Variants in CASP2 observed in about 807,000 individuals in gnomAD.
The protein encoded by CASP2 is caspase 2.
A neutral mutation model predicts 54.4 loss-of-function variants in CASP2; 38 were observed. That is an observed-to-expected ratio of 0.70 (90% confidence interval 0.54 to 0.92). CASP2 has a LOEUF of 0.92. Among genes scored for constraint, CASP2 ranks in the 40% least tolerant of loss-of-function variants. The pLI is 0.00. For missense variants in CASP2, 512 were observed against 579.6 expected, an observed-to-expected ratio of 0.88 and a Z score of 1.20; for synonymous variants, 215 against 216.3, an observed-to-expected ratio of 0.99 and a Z score of 0.05.
rs1397806582 is a variant in CASP2 at position 143,305,596 on chromosome 7, G to A, written c.*525G>A. ...TGAAGAAGCAAACATGACTAGAGAC[G>A]CACCTTGCTGCAGTGTCCAGAAGCG... On this transcript the variant is annotated 3_prime_UTR_variant, in exon 11 of 11. Coordinates refer to ENST00000310447, the MANE Select transcript of CASP2 (RefSeq NM_032982.4). 3 of 262,590 alleles carry A rather than the reference G, an allele frequency of 1.1e-5. No individual in the cohort carries two copies. Among genetic ancestry groups the A allele is most frequent in the Admixed American group, 5.0e-5 (1 of 19,848 alleles). 16.3% of individuals were successfully genotyped at this position (262,590 alleles called of 1,614,324 possible).
At chr7:143,304,549 A>G (rs1402927401) in intron 9 of CASP2, 125 bp from the exon 10 acceptor site, 2 of 783,934 alleles carry the variant, frequency 2.6e-6, no homozygotes, top group Admixed American at 1.7e-5. Context: ...GTACCCTCCT[A>G]GACTTAGATT....
Position 143,305,967 on chromosome 7 carries a change from A to G in CASP2, c.*896A>G. ...TGCACTTCATATCTAGATTTCTAGAAAAGCTTCCTAGCTTATCTCCCTGCT... is the reference window on the plus strand; with the variant it reads ...TGCACTTCATATCTAGATTTCTAGAGAAGCTTCCTAGCTTATCTCCCTGCT... On this transcript the variant is annotated 3_prime_UTR_variant, in exon 11 of 11. Coordinates refer to ENST00000310447, the MANE Select transcript of CASP2 (RefSeq NM_032982.4). The G allele has an allele frequency of 6.6e-6, 1 of 152,166 alleles. No homozygotes were observed. Among genetic ancestry groups the G allele is most frequent in the East Asian group, 1.9e-4 (1 of 5,194 alleles). The allele number at this position is 152,166 out of a possible 1,614,324, so 9.4% of individuals were successfully genotyped here. A position where few individuals can be genotyped will look rare whatever the true frequency, so the allele number is the denominator to read the frequency against.
Position 143,300,304 on chromosome 7 carries a change from C to T in CASP2, c.967+10C>T. Reference sequence around the variant, plus strand: ...CAGGCCTGCCGTGGAGGTGAGTGCCCTAGCAGACCAGCACCTGGGTGGTGG... The same window carrying T: ...CAGGCCTGCCGTGGAGGTGAGTGCCTTAGCAGACCAGCACCTGGGTGGTGG... On this transcript the variant is annotated intron_variant, in intron 8 of 10. Transcript: ENST00000310447. 6.2e-7 allele frequency: 1 copy of T among 1,613,264 alleles called. No homozygotes were observed. The highest frequency in any genetic ancestry group is 8.5e-7 in the Non-Finnish European group (1 of 1,179,926).
chr7:143,298,268 C>T (rs1801815097), intron 6 of CASP2, among the ~76,000 whole-genome samples: 1 of 152,222 alleles, frequency 6.6e-6, no homozygotes, highest in South Asian at 2.1e-4. Context: ...TGTTTTAACT[C>T]TTCCACCCAG....
chr7:143,294,657 A>C lies in CASP2; in HGVS notation c.631A>C (p.Thr211Pro), dbSNP rs778996497. 13 of 1,614,200 alleles carry C rather than the reference A, an allele frequency of 8.1e-6. No individual in the cohort carries two copies. Among genetic ancestry groups the C allele is most frequent in the Non-Finnish European group, 1.1e-5 (13 of 1,180,028 alleles). Residue 211 changes from threonine (T) to proline (P), a missense_variant, in exon 6 of 11, where the codon ACT becomes CCT. Physicochemically the swap from Thr to Pro is conservative, Grantham distance 38 (BLOSUM62 -1). Coordinates refer to ENST00000310447, the MANE Select transcript of CASP2 (RefSeq NM_032982.4). ...LALVLSNVHF[T>P]GEKELEFRSG... ...ACTGGTGTTGAGCAATGTGCACTTC[A>C]CTGGAGAGAAAGAACTGGAATTTCG...
chr7:143,290,055 C>CTTTTTTTTTTTTTTT (rs35440867), intron 1 of CASP2, among the ~76,000 whole-genome samples: 1 of 114,520 alleles, frequency 8.7e-6, no homozygotes, highest in Non-Finnish European at 1.7e-5. Context: ...TTTTCCCTCC[C>CTTTTTTTTTTTTTTT]TTTTTTTTTT....
intron 6 of CASP2, among the ~76,000 whole-genome samples, chr7:143,298,986 GTCTC>G (rs1801837025): frequency 1.3e-5 from 2 of 151,866 alleles, no homozygotes; most frequent in African/African-American, 4.8e-5. Context: ...TTGAGACAGG[GTCTC>G]TCTCTGTCAC....
intron 9 of CASP2, 57 bp from the exon 10 acceptor site, chr7:143,304,617 G>A: frequency 3.1e-6 from 4 of 1,275,158 alleles, no homozygotes; most frequent in South Asian, 2.4e-5. Flanking sequence ...AGTCTAGTTT[G>A]GGAAGTGCAG....
At position 143,303,928 on chromosome 7, in the gene CASP2, T is replaced by C. The variant is rs1295262765; in HGVS notation, c.1112T>C (p.Leu371Pro). ...GACATGATATGCGGCTATGCCTGCCTCAAAGGTACTTTGAGTTCCAAAAGA... is the reference window on the plus strand; with the variant it reads ...GACATGATATGCGGCTATGCCTGCCCCAAAGGTACTTTGAGTTCCAAAAGA... The part of the protein sequence containing the change: ...RSDMICGYAC[L>P]KGTAAMRNTK... The change falls in exon 9 of 11, where the codon CTC becomes CCC. Residue 371 changes from leucine (L) to proline (P), a missense_variant. Coordinates refer to ENST00000310447, the MANE Select transcript of CASP2 (RefSeq NM_032982.4). 3 of 1,591,010 alleles carry C rather than the reference T, an allele frequency of 1.9e-6. No homozygotes were observed. Among genetic ancestry groups the C allele is most frequent in the East Asian group, 4.5e-5 (2 of 43,966 alleles).
At chr7:143,300,122 T>C in intron 7 of CASP2, 71 bp downstream of exon 7, 2 of 1,612,498 alleles carry the variant, frequency 1.2e-6, no homozygotes, top group Admixed American at 1.7e-5. Context: ...GTCTGTCAAG[T>C]GATGGCTACT....
chr7:143,300,181 T>TCTTC, intron 7 of CASP2, 23 bp from the exon 8 acceptor site: 1 of 1,613,684 alleles, frequency 6.2e-7, no homozygotes, highest in Non-Finnish European at 8.5e-7. Flanking sequence ...TAACCTCTCT[T>TCTTC]CTTCCTTCTT....
At position 143,294,621 on chromosome 7, in the gene CASP2, C is replaced by T. The variant is rs756718988; in HGVS notation, c.595C>T (p.Arg199Cys). ...QLAYRLQSRP[R>C]GLALVLSNVH... Reference sequence around the variant, plus strand: ...GGCATATAGGTTGCAGTCTCGGCCTCGTGGCCTAGCACTGGTGTTGAGCAA... The same window carrying T: ...GGCATATAGGTTGCAGTCTCGGCCTTGTGGCCTAGCACTGGTGTTGAGCAA... Residue 199 changes from arginine (R) to cysteine (C), a missense_variant, in exon 6 of 11, where the codon CGT (arginine) becomes TGT (cysteine). Coordinates refer to ENST00000310447, the MANE Select transcript of CASP2 (RefSeq NM_032982.4). 12 of 1,614,078 alleles carry T rather than the reference C, an allele frequency of 7.4e-6. No homozygotes were observed. In the African/African-American group the frequency reaches 8.0e-5, roughly 11 times the overall value.
At chr7:143,295,893 T>A (rs927631510) in intron 6 of CASP2, among the ~76,000 whole-genome samples, 1 of 152,226 alleles carries the variant, frequency 6.6e-6, no homozygotes, top group Non-Finnish European at 1.5e-5. Context: ...GTTTATATGC[T>A]TTCCTGAGAA....
In CASP2 at chr7:143,304,769, G is replaced by A. The variant is rs779181639; in HGVS notation, c.1213G>A (p.Asp405Asn). 3.1e-6 allele frequency: 5 copies of A among 1,613,946 alleles called. No homozygotes were observed. The highest frequency in any genetic ancestry group is 1.1e-5 in the South Asian group (1 of 91,066). ...GCGGGCTTGTGATATGCACGTGGCC[G>A]ACATGCTGGTTAAGGTGAGCCAGCG... The part of the protein sequence containing the change: ...SERACDMHVA[D>N]MLVKVNALIK... Residue 405 changes from aspartate (D) to asparagine (N), a missense_variant, in exon 10 of 11, where the codon GAC (aspartate) becomes AAC (asparagine). Transcript: ENST00000310447.
chr7:143,293,041 G>C lies in CASP2; in HGVS notation c.475+343G>C, dbSNP rs543213771. 3.3e-4 allele frequency: 197 copies of C among 601,142 alleles called. No homozygotes were observed. The African/African-American group carries it at 3.5e-3, about 11-fold the overall frequency. 37.2% of individuals were successfully genotyped at this position (601,142 alleles called of 1,614,324 possible). Reference sequence around the variant, plus strand: ...ATAAAATAAAATAAAATAAAAAGGAGGGGGGTGTCCCAGATTGACTTCCCC... The same window carrying C: ...ATAAAATAAAATAAAATAAAAAGGACGGGGGTGTCCCAGATTGACTTCCCC... On this transcript the variant is annotated intron_variant, in intron 4 of 10. Coordinates refer to ENST00000310447, the MANE Select transcript of CASP2 (RefSeq NM_032982.4).
chr7:143,290,055 C>CTTTTT (rs35440867), intron 1 of CASP2, among the ~76,000 whole-genome samples: 45 of 114,528 alleles, frequency 3.9e-4, no homozygotes, highest in African/African-American at 7.9e-4. Flanking sequence ...TTTTCCCTCC[C>CTTTTT]TTTTTTTTTT....
intron 8 of CASP2, 172 bp downstream of exon 8, chr7:143,300,466 G>A (rs761590773): frequency 1.2e-5 from 19 of 1,595,008 alleles, no homozygotes; most frequent in East Asian, 2.2e-5. Flanking sequence ...TGCATGGGGT[G>A]TGCTGGGACT....
chr7:143,303,621 A>G, intron 8 of CASP2, 163 bp from the exon 9 acceptor site: 1 of 533,928 alleles, frequency 1.9e-6, no homozygotes. Context: ...GAGAGTAATA[A>G]TTTTTTTTTT....
At chr7:143,303,509 C>CT (rs1801980386) in intron 8 of CASP2, 1 of 363,592 alleles carries the variant, frequency 2.8e-6, no homozygotes, top group East Asian at 5.8e-5. Context: ...TTTTCCCTGT[C>CT]TTACACAGAA....
Sources: gnomAD v4.1 joint callset for allele counts (sites outside exome capture counted in the v4.1 genomes callset) on GRCh38, gnomAD v4.1.1 for gene constraint, MANE v1.5 for transcripts, NCBI Gene and HGNC (gene_info 2026-07-23, HGNC 2026-07-21) for gene names.